MSI2: variants seen among roughly 807,000 people sequenced by gnomAD.
MSI2 encodes musashi RNA binding protein 2, also known as RNA-binding protein Musashi homolog 2.
MSI2 carries 17 observed loss-of-function variants against 45.6 expected under a neutral mutation model. The observed-to-expected ratio is 0.37, with a 90% confidence interval of 0.26 to 0.56. MSI2 has a LOEUF of 0.56. Ranked by LOEUF, MSI2 falls within the 20% of genes least tolerant of loss-of-function variation. The pLI is 0.77. For synonymous variants in MSI2, 156 were observed against 158.2 expected (o/e 0.99, Z 0.11); for missense variants, 293 against 444.2 (o/e 0.66, Z 3.06).
At chr17:57,494,019 G>A (rs921413212) in intron 6 of MSI2, among the ~76,000 whole-genome samples, 1 of 152,168 alleles carries the variant, frequency 6.6e-6, no homozygotes, top group Non-Finnish European at 1.5e-5. Context: ...TACCCTCGGG[G>A]TTCTGCCTCT....
chr17:57,452,499 G>A (rs951109645), intron 6 of MSI2, among the ~76,000 whole-genome samples: 13 of 152,216 alleles, frequency 8.5e-5, no homozygotes, highest in African/African-American at 2.4e-4. Context: ...TCCTGGACTC[G>A]TGAGGGGCAG....
chr17:57,608,917 AG>A (rs1192170437), intron 8 of MSI2, among the ~76,000 whole-genome samples: 2 of 152,124 alleles, frequency 1.3e-5, no homozygotes, highest in African/African-American at 2.4e-5. Context: ...TGATTGGCAG[AG>A]GGGGCAGGAG....
At chr17:57,632,912 A>C in intron 10 of MSI2, 1 of 1,059,676 alleles carries the variant, frequency 9.4e-7, no homozygotes. Context: ...ATAATTGGTT[A>C]GTTTCCTTTT....
At chr17:57,474,979 C>T (rs779927706) in intron 6 of MSI2, among the ~76,000 whole-genome samples, 3 of 152,196 alleles carry the variant, frequency 2.0e-5, no homozygotes, top group Non-Finnish European at 2.9e-5. Flanking sequence ...GCCTCGGCAT[C>T]CCAAAGTGCT....
Position 57,664,095 on chromosome 17 carries a change from A to C in MSI2, c.791-10877A>C, listed in dbSNP as rs141833709. ...TCCAGGCCTGCTTCCACCTCTACTA[A>C]ACGAGGAATTCAGACTAAAGGGTCC... On this transcript the variant is annotated intron_variant, in intron 11 of 13. Coordinates refer to ENST00000284073, the MANE Select transcript of MSI2 (RefSeq NM_138962.4). Among the ~76,000 whole-genome samples the C allele has an allele frequency of 7.0e-3, 1,064 of 152,258 alleles. 12 individuals are homozygous for C. The highest frequency in any genetic ancestry group is 0.024 in the African/African-American group (1,001 of 41,542).
In MSI2 at chr17:57,582,665, C is replaced by T. The variant is rs558910130; in HGVS notation, c.455-14203C>T. Among the ~76,000 whole-genome samples the T allele has an allele frequency of 1.4e-3, 215 of 152,328 alleles. 1 individual carries two copies. Among genetic ancestry groups the T allele is most frequent in the Middle Eastern group, 6.8e-3 (2 of 294 alleles). On this transcript the variant is annotated intron_variant, in intron 7 of 13. Transcript: ENST00000284073. ...CTAAATCATGATACTAATTTTTCAA[C>T]CCCATCCTCCAATTATGCAAAGGAT...
intron 5 of MSI2, among the ~76,000 whole-genome samples, chr17:57,364,006 T>C (rs1002778525): frequency 2.0e-4 from 31 of 152,226 alleles, no homozygotes; most frequent in African/African-American, 7.5e-4. Flanking sequence ...ATCCCCGTGC[T>C]GACCTGCATT....
intron 6 of MSI2, among the ~76,000 whole-genome samples, chr17:57,447,591 G>A (rs1456089280): frequency 6.6e-6 from 1 of 151,854 alleles, no homozygotes; most frequent in Non-Finnish European, 1.5e-5. Context: ...GGCATGGGTG[G>A]GGGGGGTGTC....
chr17:57,603,001 G>A (rs1387159365), intron 8 of MSI2, among the ~76,000 whole-genome samples: 1 of 152,224 alleles, frequency 6.6e-6, no homozygotes, highest in Non-Finnish European at 1.5e-5. Flanking sequence ...AAATTGCCCA[G>A]CCATCATCAT....
intron 6 of MSI2, among the ~76,000 whole-genome samples, chr17:57,513,438 C>G (rs544733735): frequency 3.3e-5 from 5 of 152,302 alleles, no homozygotes; most frequent in African/African-American, 1.2e-4. Flanking sequence ...GAGTTTCTGG[C>G]CTCTCCCATT....
rs994732280 is a variant in MSI2, at chr17:57,596,487, G to T, written c.455-381G>T. Among the ~76,000 whole-genome samples the T allele has an allele frequency of 1.3e-5, 2 of 152,220 alleles. No homozygotes were observed. Among genetic ancestry groups the T allele is most frequent in the African/African-American group, 4.8e-5 (2 of 41,448 alleles). On this transcript the variant is annotated intron_variant, in intron 7 of 13. Coordinates refer to ENST00000284073, the MANE Select transcript of MSI2 (RefSeq NM_138962.4). This position sits in a 1 kb window ranked among gnomAD's most constrained non-coding sequence, Gnocchi z 4.6. The stretch of plus-strand genomic sequence containing the variant: ...ACCCGAGGGCTGGCCAGGGCTGCTC[G>T]CGGAAAGGGCAAGCGTGGCCCCGCA...
intron 5 of MSI2, among the ~76,000 whole-genome samples, chr17:57,347,596 T>G (rs537764594): frequency 2.2e-4 from 33 of 152,320 alleles, no homozygotes; most frequent in Admixed American, 3.3e-4. Context: ...GTACTTATAT[T>G]GGAGTTGTTC....
chr17:57,674,420 C>T (rs1402473161), intron 11 of MSI2, among the ~76,000 whole-genome samples: 1 of 151,662 alleles, frequency 6.6e-6, no homozygotes, highest in Non-Finnish European at 1.5e-5. Flanking sequence ...AAAATCCCCT[C>T]TGCAAAGATT....
chr17:57,438,348 C>A (rs553631705), intron 6 of MSI2, among the ~76,000 whole-genome samples: 1 of 152,082 alleles, frequency 6.6e-6, no homozygotes, highest in Non-Finnish European at 1.5e-5. Context: ...AGGGGCTGGC[C>A]GCAGAGATAA....
chr17:57,665,252 G>T (rs1912283789), intron 11 of MSI2, among the ~76,000 whole-genome samples: 1 of 152,202 alleles, frequency 6.6e-6, no homozygotes, highest in Non-Finnish European at 1.5e-5. Context: ...GGCCAGTCCT[G>T]GCTGAGATTA....
chr17:57,345,782 G>GCA (rs1392272860), intron 5 of MSI2, among the ~76,000 whole-genome samples: 2 of 144,902 alleles, frequency 1.4e-5, no homozygotes, highest in East Asian at 4.0e-4. Flanking sequence ...TCACACCACC[G>GCA]CACTCCAGCC....
chr17:57,286,687 TG>T (rs1909917838), intron 5 of MSI2, among the ~76,000 whole-genome samples: 1 of 152,122 alleles, frequency 6.6e-6, no homozygotes, highest in Non-Finnish European at 1.5e-5. Flanking sequence ...GCTTGTCTGA[TG>T]GAGAATGTAT....
At chr17:57,673,630 A>G (rs1452115260) in intron 11 of MSI2, among the ~76,000 whole-genome samples, 2 of 152,188 alleles carry the variant, frequency 1.3e-5, no homozygotes, top group South Asian at 2.1e-4. Flanking sequence ...TTAAACTACT[A>G]AGGAGAAATA....
At chr17:57,418,567 T>C (rs2084337993) in intron 6 of MSI2, among the ~76,000 whole-genome samples, 1 of 152,184 alleles carries the variant, frequency 6.6e-6, no homozygotes, top group South Asian at 2.1e-4. Context: ...TCTTGGGCTG[T>C]GGGGTGCTCT....
Sources: gnomAD v4.1 joint callset for allele counts (sites outside exome capture counted in the v4.1 genomes callset) on GRCh38, gnomAD v4.1.1 for gene constraint, Gnocchi (gnomAD v3.1) non-coding constraint, MANE v1.5 for transcripts, NCBI Gene and HGNC (gene_info 2026-07-23, HGNC 2026-07-21) for gene names.